Variants in FBN1 observed in about 807,000 individuals in gnomAD.
FBN1 encodes fibrillin 1, also known as fibrillin-1.
Under a neutral mutation model 365.1 loss-of-function variants are expected in FBN1, and 29 were observed. The ratio of observed to expected loss-of-function variants is 0.08; its 90% confidence interval spans 0.06 to 0.11. The LOEUF is 0.11. Among genes scored for constraint, FBN1 ranks in the 10% least tolerant of loss-of-function variants. FBN1 has a pLI of 1.00. For missense variants in FBN1, 2,476 were observed against 3,703.2 expected (o/e 0.67, Z 8.60); for synonymous variants, 1,210 against 1,270.5 (o/e 0.95, Z 1.01).
At chr15:48,634,898 C>T (rs1359029617) in intron 2 of FBN1, among the ~76,000 whole-genome samples, 1 of 125,180 alleles carries the variant, frequency 8.0e-6, no homozygotes, top group Non-Finnish European at 1.5e-5. Context: ...CACACACACA[C>T]ACACAAAATG....
intron 45 of FBN1, among the ~76,000 whole-genome samples, chr15:48,452,161 A>C (rs1299651857): frequency 6.6e-6 from 1 of 152,154 alleles, no homozygotes; most frequent in Non-Finnish European, 1.5e-5. Context: ...AGATGGTGAA[A>C]ACCTCACCTT....
chr15:48,476,112 G>A (rs370146673), intron 32 of FBN1, among the ~76,000 whole-genome samples: 21 of 152,256 alleles, frequency 1.4e-4, no homozygotes, highest in African/African-American at 4.8e-4. Flanking sequence ...TGAGGAGGAA[G>A]GCCAATTCAG....
chr15:48,532,563 C>T (rs959689618), intron 8 of FBN1, among the ~76,000 whole-genome samples: 3 of 150,956 alleles, frequency 2.0e-5, no homozygotes, highest in African/African-American at 7.3e-5. Context: ...TAACTTTCAT[C>T]TAGGAAAGAG....
intron 26 of FBN1, 29 bp from the exon 27 acceptor site, chr15:48,488,270 T>C: frequency 1.9e-6 from 3 of 1,614,174 alleles, no homozygotes; most frequent in East Asian, 2.2e-5. Context: ...TGGCAGCAAA[T>C]GAGTCTCAGG....
chr15:48,475,769 T>A (rs1023050174), intron 32 of FBN1, among the ~76,000 whole-genome samples: 2 of 152,248 alleles, frequency 1.3e-5, no homozygotes, highest in African/African-American at 4.8e-5. Context: ...TTTGCAAACA[T>A]GCTATCTGCC....
chr15:48,508,818 G>A, intron 14 of FBN1, 114 bp from the exon 15 acceptor site: 1 of 1,263,018 alleles, frequency 7.9e-7, no homozygotes, highest in South Asian at 1.3e-5. Flanking sequence ...TGTTATTACA[G>A]CCTAAGGCTA....
intron 6 of FBN1, among the ~76,000 whole-genome samples, chr15:48,542,783 G>A (rs1438989680): frequency 4.9e-5 from 2 of 41,046 alleles, no homozygotes; most frequent in Non-Finnish European, 1.4e-4. Context: ...ACTCTAAGAT[G>A]TGTGTGTGTG....
At chr15:48,498,477 G>A (rs2043626838) in intron 18 of FBN1, among the ~76,000 whole-genome samples, 1 of 151,952 alleles carries the variant, frequency 6.6e-6, no homozygotes, top group Non-Finnish European at 1.5e-5. Context: ...TTAATTCCTT[G>A]CATGGCACCA....
intron 2 of FBN1, among the ~76,000 whole-genome samples, chr15:48,617,726 G>A (rs1889685029): frequency 6.6e-6 from 1 of 152,160 alleles, no homozygotes; most frequent in Non-Finnish European, 1.5e-5. Context: ...CCTGTGGACT[G>A]GCAAAAGCCT....
At chr15:48,460,108 C>T in intron 43 of FBN1, 138 bp downstream of exon 43, 4 of 709,316 alleles carry the variant, frequency 5.6e-6, no homozygotes, top group Non-Finnish European at 1.0e-5. Context: ...TTGTTTCAAA[C>T]TAAGAATCAG....
rs780255280 is a variant in FBN1, at chr15:48,505,119, G to T, written c.1866C>A (p.Ile622=). The change falls in exon 16 of 66, where the codon ATC becomes ATA. Residue 622 remains isoleucine, a synonymous_variant. Transcript: ENST00000316623. The part of the protein sequence containing the change: ...KDINECETPG[I]CMNGRCVNTD... ...TGTTGACGCAACGCCCATTCATGCA[G>T]ATCCCAGGGGTTTCACACTCGTTAA... 1 of 1,614,186 alleles carries T rather than the reference G, an allele frequency of 6.2e-7. No individual in the cohort carries two copies. The highest frequency in any genetic ancestry group is 1.3e-5 in the African/African-American group (1 of 75,056).
chr15:48,472,410 C>T lies in FBN1; in HGVS notation c.4336+141G>A, dbSNP rs577610865. ...GTCAGCTGGAAACCTAATCCCTCTA[C>T]AAACTGAACTGACCAGCTTAGAAAT... On this transcript the variant is annotated intron_variant, in intron 35 of 65. Coordinates refer to ENST00000316623, the MANE Select transcript of FBN1 (RefSeq NM_000138.5). The T allele has an allele frequency of 1.6e-5, 19 of 1,192,262 alleles. No homozygotes were observed. In the South Asian group the frequency reaches 2.4e-4, roughly 15 times the overall value. The allele number at this position is 1,192,262 out of a possible 1,614,324, so 73.9% of individuals were successfully genotyped here. A position where few individuals can be genotyped will look rare whatever the true frequency, so the allele number is the denominator to read the frequency against.
At chr15:48,566,424 A>C (rs995618567) in intron 6 of FBN1, among the ~76,000 whole-genome samples, 2 of 152,178 alleles carry the variant, frequency 1.3e-5, no homozygotes, top group African/African-American at 4.8e-5. Flanking sequence ...TTATTTTTTT[A>C]ATTGGATTTC....
At chr15:48,425,597 G>T in intron 59 of FBN1, 106 bp from the exon 60 acceptor site, 1 of 1,555,606 alleles carries the variant, frequency 6.4e-7, no homozygotes, top group South Asian at 1.1e-5. Flanking sequence ...AAAGAAAAAG[G>T]AAACTCTGTG....
intron 4 of FBN1, among the ~76,000 whole-genome samples, chr15:48,603,416 C>A (rs1216067927): frequency 6.6e-6 from 1 of 152,096 alleles, no homozygotes; most frequent in African/African-American, 2.4e-5. Context: ...ATAAAGCATT[C>A]CGATAAAGGT....
intron 6 of FBN1, among the ~76,000 whole-genome samples, chr15:48,593,873 G>C (rs905151469): frequency 2.0e-5 from 3 of 152,020 alleles, no homozygotes; most frequent in East Asian, 1.9e-4. Context: ...AGTAGTAAAG[G>C]CCTCCCGGAT....
chr15:48,432,723 CG>C, intron 55 of FBN1, 142 bp downstream of exon 55: 1 of 1,027,372 alleles, frequency 9.7e-7, no homozygotes, highest in African/African-American at 1.6e-5. Context: ...TAGGGGGAAA[CG>C]TGGCAGTGAC....
intron 2 of FBN1, among the ~76,000 whole-genome samples, chr15:48,623,638 G>A (rs1046776693): frequency 5.3e-5 from 8 of 152,202 alleles, no homozygotes; most frequent in Non-Finnish European, 7.3e-5. Context: ...GCCATAGATG[G>A]AGCCAGCCTC....
In FBN1 at chr15:48,463,079, C is replaced by T. The variant is rs2141266479; in HGVS notation, c.5224+3G>A. The stretch of plus-strand genomic sequence containing the variant: ...TTTTGATAATGGAGAAACTAAAACT[C>T]ACCTGTACTTGGGATGGGACACTGT... On this transcript the variant is annotated splice_donor_region_variant and intron_variant, in intron 42 of 65. Coordinates refer to ENST00000316623, the MANE Select transcript of FBN1 (RefSeq NM_000138.5). 6.2e-7 allele frequency: 1 copy of T among 1,613,736 alleles called. No homozygotes were observed. Among genetic ancestry groups the T allele is most frequent in the Non-Finnish European group, 8.5e-7 (1 of 1,179,670 alleles).
Sources: allele counts gnomAD v4.1 joint callset (sites outside exome capture counted in the v4.1 genomes callset), GRCh38; gene constraint gnomAD v4.1.1; transcripts MANE v1.5; gene names NCBI Gene and HGNC (gene_info 2026-07-23, HGNC 2026-07-21).